Variants in FBXW11 observed in about 807,000 individuals in gnomAD.
FBXW11 encodes F-box and WD repeat domain containing 11, also known as F-box/WD repeat-containing protein 11.
In FBXW11, 19 loss-of-function variants were observed where a neutral mutation model predicts 77.6. That is an observed-to-expected ratio of 0.24 (90% CI 0.17 to 0.36). The LOEUF (loss-of-function observed/expected upper bound fraction) is 0.36, where lower values mean the gene tolerates loss of function less well. FBXW11 is among the 10% of genes least tolerant of loss of function. The probability of loss-of-function intolerance (pLI) is 1.00; values close to 1 mark genes in which losing one functional copy is unlikely to be tolerated. For synonymous variants in FBXW11, 235 were observed against 249.4 expected (o/e 0.94, Z 0.54); for missense variants, 334 against 704.2 (o/e 0.47, Z 5.95).
chr5:171,922,870 T>G (rs973098343), intron 2 of FBXW11, among the ~76,000 whole-genome samples: 3 of 152,142 alleles, frequency 2.0e-5, no homozygotes, highest in Non-Finnish European at 4.4e-5. Context: ...TGGACGAATG[T>G]TTTTCTTCTT....
chr5:171,864,670 A>G (rs1757275198), intron 13 of FBXW11, among the ~76,000 whole-genome samples: 1 of 152,172 alleles, frequency 6.6e-6, no homozygotes, highest in Non-Finnish European at 1.5e-5. Flanking sequence ...AAACAACAAC[A>G]GTATGGGGGA....
intron 2 of FBXW11, among the ~76,000 whole-genome samples, chr5:171,953,472 T>C (rs903813667): frequency 6.6e-6 from 1 of 152,204 alleles, no homozygotes; most frequent in Non-Finnish European, 1.5e-5. Flanking sequence ...AACAGCCATG[T>C]CTGACCTTAG....
intron 2 of FBXW11, among the ~76,000 whole-genome samples, chr5:171,947,161 A>C (rs949865219): frequency 1.3e-5 from 2 of 152,112 alleles, no homozygotes; most frequent in Non-Finnish European, 2.9e-5. Flanking sequence ...CTGAGACAAC[A>C]AGGCTTTTTG....
At chr5:171,875,268 A>AG (rs1424889738) in intron 9 of FBXW11, among the ~76,000 whole-genome samples, 1 of 151,976 alleles carries the variant, frequency 6.6e-6, no homozygotes, top group African/African-American at 2.4e-5. Context: ...AAAAAAAAAA[A>AG]AAGAAGGGAC....
intron 2 of FBXW11, among the ~76,000 whole-genome samples, chr5:171,952,447 A>ATATATATATATATATATATCTTT: frequency 1.4e-4 from 1 of 6,948 alleles, no homozygotes; most frequent in South Asian, 0.022. Flanking sequence ...ATATATATAT[A>ATATATATATATATATATATCTTT]TTTTTTTTTT....
At chr5:171,932,516 G>C (rs909197373) in intron 2 of FBXW11, among the ~76,000 whole-genome samples, 3 of 152,034 alleles carry the variant, frequency 2.0e-5, no homozygotes, top group Non-Finnish European at 4.4e-5. Flanking sequence ...GTGAAATTCT[G>C]TTACATGTAT....
chr5:171,922,498 C>T (rs926368013), intron 2 of FBXW11, among the ~76,000 whole-genome samples: 2 of 152,138 alleles, frequency 1.3e-5, no homozygotes, highest in Non-Finnish European at 2.9e-5. Flanking sequence ...TCTAAAATAG[C>T]AGTTCCTATC....
Position 171,868,498 on chromosome 5 carries a change from G to T in FBXW11, c.*25+112C>A, listed in dbSNP as rs140026820. Reference sequence around the variant, plus strand: ...ACTTGAACTCTGCAAAAGTTGACACGTCTAAGAGAGACCTTGGTTCACACA... The same window carrying T: ...ACTTGAACTCTGCAAAAGTTGACACTTCTAAGAGAGACCTTGGTTCACACA... On this transcript the variant is annotated intron_variant, in intron 13 of 13. Transcript: ENST00000517395. 78 of 836,138 alleles carry T rather than the reference G, an allele frequency of 9.3e-5. No homozygotes were observed. In the African/African-American group the frequency reaches 1.2e-3, roughly 13 times the overall value. 51.8% of individuals were successfully genotyped at this position (836,138 alleles called of 1,614,324 possible). A position where few individuals can be genotyped will look rare whatever the true frequency, so the allele number is the denominator to read the frequency against.
chr5:171,913,740 C>G (rs1454983754), intron 3 of FBXW11, among the ~76,000 whole-genome samples: 2 of 151,256 alleles, frequency 1.3e-5, no homozygotes, highest in Non-Finnish European at 2.9e-5. Flanking sequence ...AAGGGGAAAG[C>G]CATGTGTACC....
At chr5:171,976,325 GT>G (rs1452595328) in intron 1 of FBXW11, among the ~76,000 whole-genome samples, 1 of 152,114 alleles carries the variant, frequency 6.6e-6, no homozygotes, top group Admixed American at 6.6e-5. Flanking sequence ...AACACCAAGA[GT>G]TTAAGTAGCA....
At chr5:171,882,825 G>A (rs1758612747) in intron 7 of FBXW11, among the ~76,000 whole-genome samples, 1 of 151,594 alleles carries the variant, frequency 6.6e-6, no homozygotes, top group African/African-American at 2.4e-5. Context: ...CTATTGTACA[G>A]GTGGTATTTG....
At chr5:171,882,280 C>T (rs896875918) in intron 7 of FBXW11, among the ~76,000 whole-genome samples, 1 of 152,168 alleles carries the variant, frequency 6.6e-6, no homozygotes, top group Admixed American at 6.5e-5. Flanking sequence ...CACCCACCCA[C>T]ACATGCACAC....
At chr5:171,946,332 CTTCT>C (rs1177878240) in intron 2 of FBXW11, among the ~76,000 whole-genome samples, 2 of 152,178 alleles carry the variant, frequency 1.3e-5, no homozygotes, top group South Asian at 2.1e-4. Flanking sequence ...GCTTCCGCCT[CTTCT>C]TTCTATGTCT....
chr5:171,983,130 T>C (rs1247130273), intron 1 of FBXW11, among the ~76,000 whole-genome samples: 1 of 152,054 alleles, frequency 6.6e-6, no homozygotes, highest in Non-Finnish European at 1.5e-5. Flanking sequence ...GTCAAGGCTG[T>C]GGTGAGCTGT....
chr5:171,892,698 T>C (rs1468453940), intron 6 of FBXW11, among the ~76,000 whole-genome samples: 3 of 152,242 alleles, frequency 2.0e-5, no homozygotes, highest in Non-Finnish European at 4.4e-5. Context: ...CCTCTGGTAG[T>C]AGACATAAGT....
At chr5:171,898,176 G>C (rs143957927) in intron 6 of FBXW11, among the ~76,000 whole-genome samples, 1 of 152,100 alleles carries the variant, frequency 6.6e-6, no homozygotes, top group African/African-American at 2.4e-5. Context: ...ATGTTTCTCC[G>C]TTAATGAATT....
chr5:171,865,584 A>C (rs149228526), intron 13 of FBXW11, among the ~76,000 whole-genome samples: 1 of 152,222 alleles, frequency 6.6e-6, no homozygotes, highest in Non-Finnish European at 1.5e-5. Context: ...ACAGTTATAA[A>C]GCGTCATTTT....
At chr5:171,911,257 G>T (rs1760865113) in intron 3 of FBXW11, among the ~76,000 whole-genome samples, 1 of 152,140 alleles carries the variant, frequency 6.6e-6, no homozygotes, top group Non-Finnish European at 1.5e-5. Flanking sequence ...TATGCTAATG[G>T]TTCTCAAACT....
At chr5:171,985,650 C>A (rs1765395732) in intron 1 of FBXW11, among the ~76,000 whole-genome samples, 1 of 151,918 alleles carries the variant, frequency 6.6e-6, no homozygotes, top group Admixed American at 6.6e-5. Context: ...CTGCTGTAGT[C>A]CCAGCTACTT....
Sources: gnomAD v4.1 joint callset for allele counts (sites outside exome capture counted in the v4.1 genomes callset) on GRCh38, gnomAD v4.1.1 for gene constraint, MANE v1.5 for transcripts, NCBI Gene and HGNC (gene_info 2026-07-23, HGNC 2026-07-21) for gene names.